ROBO2: variants seen among roughly 807,000 people sequenced by gnomAD.
The protein encoded by ROBO2 is roundabout homolog 2.
ROBO2 carries 53 observed loss-of-function variants against 160.8 expected under a neutral mutation model. The ratio of observed to expected loss-of-function variants is 0.33; its 90% CI spans 0.26 to 0.41. ROBO2 has a LOEUF of 0.41. Ranked by LOEUF, ROBO2 falls within the 10% of genes least tolerant of loss-of-function variation. The pLI is 1.00. For synonymous variants in ROBO2, 664 were observed against 611.7 expected (o/e 1.09, Z -1.26); for missense variants, 1,577 against 1,722.4 (o/e 0.92, Z 1.49).
At chr3:76,814,231 A>G in intron 2 of ROBO2, among the ~76,000 whole-genome samples, 1 of 152,166 alleles carries the variant, frequency 6.6e-6, no homozygotes, top group East Asian at 1.9e-4. Context: ...TGGGCACTGC[A>G]AATGCTAGAT....
At chr3:77,518,387 T>C (rs770046110) in intron 5 of ROBO2, among the ~76,000 whole-genome samples, 2 of 151,554 alleles carry the variant, frequency 1.3e-5, no homozygotes, top group Non-Finnish European at 3.0e-5. Flanking sequence ...CAGACTTTCC[T>C]CAGGCAAAGA....
intron 2 of ROBO2, among the ~76,000 whole-genome samples, chr3:76,392,428 G>A (rs186469918): frequency 2.7e-4 from 41 of 152,222 alleles, no homozygotes; most frequent in Non-Finnish European, 3.1e-4. Context: ...AGCTATCATA[G>A]ACATTAATAA....
intron 2 of ROBO2, among the ~76,000 whole-genome samples, chr3:76,344,395 C>G (rs1474858128): frequency 6.6e-6 from 1 of 152,086 alleles, no homozygotes; most frequent in African/African-American, 2.4e-5. Context: ...TTCATGAAGA[C>G]TTTAAAGGTA....
intron 2 of ROBO2, among the ~76,000 whole-genome samples, chr3:76,173,517 C>T (rs553644858): frequency 3.7e-4 from 56 of 151,942 alleles, no homozygotes; most frequent in African/African-American, 1.3e-3. Context: ...TCCCCTTGAC[C>T]CCCACCCCTG....
intron 2 of ROBO2, among the ~76,000 whole-genome samples, chr3:75,996,076 G>A (rs571319689): frequency 6.6e-6 from 1 of 152,236 alleles, no homozygotes; most frequent in East Asian, 1.9e-4. Flanking sequence ...TGGACTTCTG[G>A]GTTAATTCTG....
chr3:77,070,326 G>T (rs1451979633), intron 1 of ROBO2, among the ~76,000 whole-genome samples: 1 of 152,046 alleles, frequency 6.6e-6, no homozygotes, highest in Non-Finnish European at 1.5e-5. Flanking sequence ...GCCTCTTCCA[G>T]CTTTGGTGGC....
intron 1 of ROBO2, among the ~76,000 whole-genome samples, chr3:77,088,961 G>T (rs1039462871): frequency 3.3e-5 from 5 of 152,118 alleles, no homozygotes; most frequent in African/African-American, 1.2e-4. Flanking sequence ...TAATGTGACA[G>T]CCATAAAGAG....
At chr3:76,459,760 A>G (rs2077981223) in intron 2 of ROBO2, among the ~76,000 whole-genome samples, 1 of 152,202 alleles carries the variant, frequency 6.6e-6, no homozygotes, top group Non-Finnish European at 1.5e-5. Context: ...ATAAAAGATA[A>G]CTAATAAAAG....
chr3:76,226,061 C>G (rs554206091), intron 2 of ROBO2, among the ~76,000 whole-genome samples: 1 of 152,194 alleles, frequency 6.6e-6, no homozygotes, highest in East Asian at 1.9e-4. Context: ...AATAGCTTAT[C>G]CTGAGCATGG....
At chr3:76,677,601 A>G (rs926032149) in intron 2 of ROBO2, among the ~76,000 whole-genome samples, 78 of 152,286 alleles carry the variant, frequency 5.1e-4, no homozygotes, top group African/African-American at 1.8e-3. Context: ...CCGTAGCCAC[A>G]GGACCCAGAG....
chr3:77,505,302 GACATTAAT>G (rs1023861886), intron 5 of ROBO2, among the ~76,000 whole-genome samples: 1 of 152,016 alleles, frequency 6.6e-6, no homozygotes, highest in Non-Finnish European at 1.5e-5. Context: ...CACAAATATG[GACATTAAT>G]ACAAGTGGTC....
At chr3:76,191,185 G>A (rs1024473640) in intron 2 of ROBO2, among the ~76,000 whole-genome samples, 4 of 152,082 alleles carry the variant, frequency 2.6e-5, no homozygotes, top group African/African-American at 9.7e-5. Context: ...TAAAATGAAT[G>A]GGGTAATTAA....
intron 2 of ROBO2, among the ~76,000 whole-genome samples, chr3:76,489,376 T>C (rs11706657): frequency 6.6e-6 from 1 of 152,028 alleles, no homozygotes; most frequent in Non-Finnish European, 1.5e-5. Flanking sequence ...GAGGAGAGCC[T>C]AGAGTTCTGA....
At chr3:77,265,888 A>G (rs2059091220) in intron 2 of ROBO2, among the ~76,000 whole-genome samples, 1 of 152,212 alleles carries the variant, frequency 6.6e-6, no homozygotes, top group African/African-American at 2.4e-5. Flanking sequence ...GAGTATTTAA[A>G]GAAATGCATA....
At chr3:76,777,460 A>C (rs2062345037) in intron 2 of ROBO2, among the ~76,000 whole-genome samples, 1 of 151,182 alleles carries the variant, frequency 6.6e-6, no homozygotes, top group Admixed American at 6.6e-5. Context: ...GTTAGTGCAT[A>C]TGAGATTTCT....
chr3:76,975,374 A>T (rs189443401), intron 2 of ROBO2, among the ~76,000 whole-genome samples: 417 of 152,154 alleles, frequency 2.7e-3, no homozygotes, highest in African/African-American at 9.7e-3. Flanking sequence ...GCATGGTGGG[A>T]GGTGCCTGTA....
intron 2 of ROBO2, among the ~76,000 whole-genome samples, chr3:76,123,000 G>A (rs557486905): frequency 1.9e-3 from 294 of 151,946 alleles, no homozygotes; most frequent in Non-Finnish European, 3.2e-3. Flanking sequence ...GCCCACCTCG[G>A]CCTCCCAAAG....
intron 2 of ROBO2, among the ~76,000 whole-genome samples, chr3:76,614,205 A>T (rs2088378621): frequency 6.6e-6 from 1 of 152,122 alleles, no homozygotes; most frequent in Non-Finnish European, 1.5e-5. Context: ...ACATTTTTAA[A>T]TCATAAGTGA....
chr3:76,661,893 C>T (rs1252105317), intron 2 of ROBO2, among the ~76,000 whole-genome samples: 1 of 152,134 alleles, frequency 6.6e-6, no homozygotes, highest in Non-Finnish European at 1.5e-5. Flanking sequence ...CATTTAAAAA[C>T]ATATCAAAAA....
Sources: allele counts gnomAD v4.1 joint callset (sites outside exome capture counted in the v4.1 genomes callset), GRCh38; gene constraint gnomAD v4.1.1; transcripts MANE v1.5; gene names NCBI Gene and HGNC (gene_info 2026-07-23, HGNC 2026-07-21).